The following MCTP1 variants were observed in gnomAD, a reference collection of about 807,000 sequenced individuals.
MCTP1 encodes multiple C2 and transmembrane domain-containing protein 1.
MCTP1 carries 69 observed loss-of-function variants against 120.6 expected under a neutral mutation model. The ratio of observed to expected loss-of-function variants is 0.57; its 90% CI spans 0.47 to 0.70. The LOEUF (loss-of-function observed/expected upper bound fraction) is 0.70. Among genes scored for constraint, MCTP1 ranks in the 30% least tolerant of loss-of-function variants. The pLI is 0.00. For synonymous variants in MCTP1, 529 were observed against 493.1 expected, an observed-to-expected ratio of 1.07 and a Z score of -0.96; for missense variants, 1,203 against 1,248.8, an observed-to-expected ratio of 0.96 and a Z score of 0.55.
At chr5:94,826,214 A>G (rs751557651) in intron 17 of MCTP1, 3 of 412,064 alleles carry the variant, frequency 7.3e-6, no homozygotes, top group African/African-American at 2.1e-5. Flanking sequence ...CTTCTTATTG[A>G]TTTTGCTATA....
chr5:95,222,222 C>G (rs932968194), intron 1 of MCTP1, among the ~76,000 whole-genome samples: 1 of 152,210 alleles, frequency 6.6e-6, no homozygotes, highest in Non-Finnish European at 1.5e-5. Context: ...CTGCCTTCTT[C>G]TCTCCACACT....
intron 19 of MCTP1, among the ~76,000 whole-genome samples, chr5:94,758,858 A>T (rs1770601112): frequency 6.6e-6 from 1 of 152,236 alleles, no homozygotes. Flanking sequence ...CTTGTAGAAT[A>T]GGAAAAAACA....
chr5:95,136,059 C>T lies in MCTP1; in HGVS notation c.721-118575G>A, dbSNP rs80094426. 8.5e-3 allele frequency among the ~76,000 whole-genome samples: 1,287 copies of T among 152,286 alleles called. 50 individuals are homozygous for T. The highest frequency in any genetic ancestry group is 0.073 in the East Asian group (379 of 5,176). ...CCCTAAACTACTTTATTATCCTCAT[C>T]TCCTGCATAGCATCAGCCTTCTACC... is the stretch of plus-strand genomic sequence containing the variant. On this transcript the variant is annotated intron_variant, in intron 1 of 22. Coordinates refer to ENST00000515393, the MANE Select transcript of MCTP1 (RefSeq NM_024717.7).
chr5:94,799,066 T>A lies in MCTP1; in HGVS notation c.2503A>T (p.Thr835Ser), dbSNP rs1405306799. 1.4e-5 allele frequency: 23 copies of A among 1,612,068 alleles called. No individual in the cohort carries two copies. The highest frequency in any genetic ancestry group is 2.2e-5 in the East Asian group (1 of 44,760). Residue 835 changes from threonine to serine, a missense_variant, in exon 18 of 23, where the codon ACA becomes TCA. This residue lies in a region of MCTP1 where 740 missense variants were observed against 871.1 expected (regional missense o/e 0.85). Transcript: ENST00000515393. ...GATATTATCAAGAAGTAGTTCCATGTCAATAGTAACAACAAAACCAGTGGT... is the reference window on the plus strand; with the variant it reads ...GATATTATCAAGAAGTAGTTCCATGACAATAGTAACAACAAAACCAGTGGT... ...MIPLVLLLLL[T>S]WNYFLIISGK... is the part of the protein sequence containing the mutation.
intron 1 of MCTP1, among the ~76,000 whole-genome samples, chr5:95,196,215 G>C (rs1371769446): frequency 2.0e-5 from 3 of 152,110 alleles, no homozygotes; most frequent in Non-Finnish European, 4.4e-5. Context: ...GCTTATACTA[G>C]AGAAAACAAA....
chr5:94,820,040 C>T (rs13169941), intron 17 of MCTP1, among the ~76,000 whole-genome samples: 103 of 152,284 alleles, frequency 6.8e-4, no homozygotes, highest in Middle Eastern at 3.4e-3. Context: ...CCCTCTTTTA[C>T]ACCATGTGGC....
chr5:95,209,706 T>C (rs1338475913), intron 1 of MCTP1, among the ~76,000 whole-genome samples: 1 of 152,218 alleles, frequency 6.6e-6, no homozygotes, highest in Non-Finnish European at 1.5e-5. Context: ...TACCTGTCCC[T>C]GGAATGTTCC....
intron 1 of MCTP1, among the ~76,000 whole-genome samples, chr5:95,175,883 C>A (rs1747913797): frequency 1.3e-5 from 2 of 152,118 alleles, no homozygotes; most frequent in Admixed American, 6.5e-5. Context: ...TTCTCAAAAC[C>A]AAACAAAACA....
chr5:94,708,791 A>G (rs1755654778), intron 21 of MCTP1, 182 bp from the exon 22 acceptor site: 2 of 507,230 alleles, frequency 3.9e-6, no homozygotes, highest in South Asian at 5.2e-5. Flanking sequence ...CTTGTACCTT[A>G]GTAGCTTCTT....
chr5:95,071,966 A>T (rs1752269401), intron 1 of MCTP1, among the ~76,000 whole-genome samples: 1 of 152,230 alleles, frequency 6.6e-6, no homozygotes, highest in African/African-American at 2.4e-5. Flanking sequence ...GAGGAATTTT[A>T]ATAGATCCAT....
intron 2 of MCTP1, among the ~76,000 whole-genome samples, chr5:94,955,389 G>A (rs1206452793): frequency 6.6e-6 from 1 of 152,132 alleles, no homozygotes; most frequent in Non-Finnish European, 1.5e-5. Flanking sequence ...TCGTACCCCA[G>A]TGGTACCTGG....
At chr5:94,892,218 G>A (rs372577711) in intron 11 of MCTP1, among the ~76,000 whole-genome samples, 3 of 152,070 alleles carry the variant, frequency 2.0e-5, no homozygotes, top group African/African-American at 4.8e-5. Flanking sequence ...CTTATGACTC[G>A]CTGTCATCTT....
chr5:95,081,371 G>T, intron 1 of MCTP1: 1 of 1,498,646 alleles, frequency 6.7e-7, no homozygotes, highest in Non-Finnish European at 9.2e-7. Flanking sequence ...TACCTAAACT[G>T]CCACATTAAT....
intron 2 of MCTP1, among the ~76,000 whole-genome samples, chr5:94,974,152 A>T (rs140886068): frequency 5.9e-4 from 90 of 152,312 alleles, no homozygotes; most frequent in African/African-American, 2.1e-3. Flanking sequence ...AAGAACTACA[A>T]ACATATTAAA....
intron 1 of MCTP1, among the ~76,000 whole-genome samples, chr5:95,197,383 C>T (rs1033973062): frequency 6.6e-6 from 1 of 152,108 alleles, no homozygotes; most frequent in African/African-American, 2.4e-5. Flanking sequence ...GAAATCCCCA[C>T]TTAGGTGGGC....
chr5:94,803,624 T>C (rs1781646811), intron 17 of MCTP1, among the ~76,000 whole-genome samples: 1 of 152,246 alleles, frequency 6.6e-6, no homozygotes, highest in African/African-American at 2.4e-5. Context: ...ATTGATTGGC[T>C]TACACTACAT....
At chr5:95,202,259 G>C (rs979427047) in intron 1 of MCTP1, among the ~76,000 whole-genome samples, 1 of 152,206 alleles carries the variant, frequency 6.6e-6, no homozygotes, top group Non-Finnish European at 1.5e-5. Context: ...ACTCCAGGCT[G>C]TCTGACCTTT....
At chr5:94,775,103 C>T (rs1212299056) in intron 19 of MCTP1, among the ~76,000 whole-genome samples, 1 of 152,276 alleles carries the variant, frequency 6.6e-6, no homozygotes, top group East Asian at 1.9e-4. Context: ...TCATTTGTTA[C>T]ATCTAGTTCT....
At chr5:95,101,317 C>A (rs927198969) in intron 1 of MCTP1, among the ~76,000 whole-genome samples, 1 of 152,128 alleles carries the variant, frequency 6.6e-6, no homozygotes, top group African/African-American at 2.4e-5. Context: ...ACAAAACCAT[C>A]TTTTTTTCAA....
Sources: allele counts gnomAD v4.1 joint callset (sites outside exome capture counted in the v4.1 genomes callset), GRCh38; gene constraint gnomAD v4.1.1; regional missense constraint gnomAD v4.1.1; transcripts MANE v1.5; gene names NCBI Gene and HGNC (gene_info 2026-07-23, HGNC 2026-07-21).